The following MTHFD2L variants were observed in gnomAD, a reference collection of about 807,000 sequenced individuals.
The protein encoded by MTHFD2L is bifunctional methylenetetrahydrofolate dehydrogenase/cyclohydrolase 2, mitochondrial.
Under a neutral mutation model 34.9 loss-of-function variants are expected in MTHFD2L, and 29 were observed. The ratio of observed to expected loss-of-function variants is 0.83; its 90% CI spans 0.62 to 1.13. The LOEUF (loss-of-function observed/expected upper bound fraction) is 1.13. Among genes scored for constraint, MTHFD2L ranks in the 50% most tolerant of loss-of-function variants. The pLI, the probability that MTHFD2L is intolerant of heterozygous loss-of-function variation, is 0.00. For missense variants in MTHFD2L, 481 were observed against 446.5 expected (o/e 1.08, Z -0.70); for synonymous variants, 167 against 155.7 (o/e 1.07, Z -0.54).
intron 1 of MTHFD2L, 169 bp downstream of exon 1, chr4:74,158,450 AG>A: frequency 3.1e-6 from 1 of 322,558 alleles, no homozygotes; most frequent in Non-Finnish European, 4.5e-6. Context: ...CGCGCGGGCG[AG>A]TCGCAGTTGC....
chr4:74,236,142 T>C (rs57533495), intron 6 of MTHFD2L, among the ~76,000 whole-genome samples: 175 of 152,312 alleles, frequency 1.1e-3, no homozygotes, highest in African/African-American at 4.1e-3. Flanking sequence ...TAATTTCTAT[T>C]ATCTGACTTG....
At chr4:74,285,733 C>T (rs1748092133) in intron 7 of MTHFD2L, among the ~76,000 whole-genome samples, 2 of 152,164 alleles carry the variant, frequency 1.3e-5, no homozygotes, top group Non-Finnish European at 2.9e-5. Flanking sequence ...TTGCTTTGCA[C>T]TGTTTCAACA....
chr4:74,115,887 A>G (rs1223343929), intron 2 of MTHFD2L, among the ~76,000 whole-genome samples: 1 of 152,220 alleles, frequency 6.6e-6, no homozygotes, highest in Non-Finnish European at 1.5e-5. Context: ...CAAACACAGA[A>G]ATTCTGATAT....
At chr4:74,206,777 A>G (rs1035401426) in intron 5 of MTHFD2L, among the ~76,000 whole-genome samples, 2 of 152,140 alleles carry the variant, frequency 1.3e-5, no homozygotes, top group African/African-American at 4.8e-5. Context: ...AAAGTTTCCA[A>G]TTTCTCTAAA....
At chr4:74,199,097 A>C (rs976442185) in intron 3 of MTHFD2L, among the ~76,000 whole-genome samples, 1 of 152,168 alleles carries the variant, frequency 6.6e-6, no homozygotes, top group Non-Finnish European at 1.5e-5. Context: ...ACTACTCTGC[A>C]TAGAGTAATA....
intron 3 of MTHFD2L, chr4:74,180,748 C>G (rs561844): frequency 1 from 445,505 of 445,726 alleles, 222,643 homozygotes; most frequent in East Asian, 1. Context: ...CAGGCTTGCT[C>G]TTTGTCCAGT....
At chr4:74,227,520 G>A (rs1739351561) in intron 6 of MTHFD2L, among the ~76,000 whole-genome samples, 1 of 150,976 alleles carries the variant, frequency 6.6e-6, no homozygotes, top group Non-Finnish European at 1.5e-5. Context: ...CCCGAGCAGA[G>A]GAAACAGCAG....
At chr4:74,175,247 G>C in intron 2 of MTHFD2L, 34 bp from the exon 3 acceptor site, 1 of 1,603,526 alleles carries the variant, frequency 6.2e-7, no homozygotes, top group South Asian at 1.1e-5. Flanking sequence ...TATTCAGTTA[G>C]TCAAGTGACC....
intron 1 of MTHFD2L, among the ~76,000 whole-genome samples, chr4:74,171,599 T>A (rs907478928): frequency 6.6e-6 from 1 of 152,084 alleles, no homozygotes; most frequent in Non-Finnish European, 1.5e-5. Flanking sequence ...AGCCAGGAGT[T>A]CGAGACCAGC....
chr4:74,286,944 G>A (rs541894620), intron 7 of MTHFD2L, among the ~76,000 whole-genome samples: 3 of 152,262 alleles, frequency 2.0e-5, no homozygotes, highest in African/African-American at 7.2e-5. Flanking sequence ...TGATGTGTAG[G>A]CATTTTTGTT....
At chr4:74,267,289 C>T (rs896293654) in intron 6 of MTHFD2L, 2 of 818,314 alleles carry the variant, frequency 2.4e-6, no homozygotes, top group African/African-American at 5.8e-5. Flanking sequence ...CTATTCTATT[C>T]TTTTCTTTTC....
exon 1 of MTHFD2L, chr4:74,125,464 C>T (rs890685847): frequency 1.3e-5 from 2 of 152,098 alleles, no homozygotes; most frequent in African/African-American, 4.8e-5. Context: ...ATGAAGAGAC[C>T]TCTGCCTGAA....
chr4:74,211,361 A>G (rs1435697388), intron 5 of MTHFD2L, among the ~76,000 whole-genome samples: 1 of 152,166 alleles, frequency 6.6e-6, no homozygotes, highest in Non-Finnish European at 1.5e-5. Flanking sequence ...ACGTTCCATC[A>G]ATATCTAGTT....
intron 6 of MTHFD2L, among the ~76,000 whole-genome samples, chr4:74,233,437 T>A (rs1740384105): frequency 6.6e-6 from 1 of 152,134 alleles, no homozygotes. Context: ...GAGGTAGTAA[T>A]ACTAGTGTTT....
chr4:74,289,351 G>T (rs921378548), intron 7 of MTHFD2L, among the ~76,000 whole-genome samples: 8 of 152,170 alleles, frequency 5.3e-5, no homozygotes, highest in African/African-American at 1.7e-4. Flanking sequence ...GCAAATGCAA[G>T]ACCTTGAGGG....
chr4:74,145,053 A>C (rs1723506876), intron 1 of MTHFD2L, among the ~76,000 whole-genome samples: 1 of 152,180 alleles, frequency 6.6e-6, no homozygotes, highest in African/African-American at 2.4e-5. Flanking sequence ...AGACTAAATT[A>C]ATAAGAATAT....
intron 6 of MTHFD2L, among the ~76,000 whole-genome samples, chr4:74,254,085 C>A (rs555689916): frequency 6.6e-6 from 1 of 151,984 alleles, no homozygotes; most frequent in Non-Finnish European, 1.5e-5. Context: ...CATTTGGGGA[C>A]GTCTAGAAGA....
intron 6 of MTHFD2L, chr4:74,280,115 A>G (rs1403345144): frequency 6.6e-6 from 1 of 152,152 alleles, no homozygotes; most frequent in African/African-American, 2.4e-5. Context: ...CATGTCCACT[A>G]GAAGCATTGT....
At chr4:74,292,977 T>C (rs1469758038) in intron 7 of MTHFD2L, among the ~76,000 whole-genome samples, 2 of 152,036 alleles carry the variant, frequency 1.3e-5, no homozygotes, top group Non-Finnish European at 2.9e-5. Flanking sequence ...GTCTTCTAAG[T>C]GGTATGAGTG....
Sources: gnomAD v4.1 joint callset for allele counts (sites outside exome capture counted in the v4.1 genomes callset) on GRCh38, gnomAD v4.1.1 for gene constraint, MANE v1.5 for transcripts, NCBI Gene and HGNC (gene_info 2026-07-23, HGNC 2026-07-21) for gene names.